RAB10: variants seen among roughly 807,000 people sequenced by gnomAD.
RAB10 encodes the protein ras-related protein Rab-10.
RAB10 carries 5 observed loss-of-function variants against 25.7 expected under a neutral mutation model. The ratio of observed to expected loss-of-function variants is 0.19; its 90% CI spans 0.10 to 0.41. The LOEUF is 0.41. RAB10 is among the 10% of genes least tolerant of loss of function. The probability of loss-of-function intolerance (pLI) is 1.00; values close to 1 mark genes in which losing one functional copy is unlikely to be tolerated. For synonymous variants in RAB10, 89 were observed against 86.4 expected, an observed-to-expected ratio of 1.03 and a Z score of -0.16; for missense variants, 103 against 245.8, an observed-to-expected ratio of 0.42 and a Z score of 3.89.
chr2:26,067,692 C>T (rs1666542169), intron 1 of RAB10, among the ~76,000 whole-genome samples: 1 of 152,222 alleles, frequency 6.6e-6, no homozygotes, highest in South Asian at 2.1e-4. Flanking sequence ...CACTAGTCAT[C>T]TTGTTAGATT....
At chr2:26,034,920 C>T (rs1665731475) in intron 1 of RAB10, among the ~76,000 whole-genome samples, 185 bp downstream of exon 1, 1 of 152,164 alleles carries the variant, frequency 6.6e-6, no homozygotes, top group South Asian at 2.1e-4. Context: ...GATTTCCATC[C>T]GGTCTTTTGC....
rs116235320 is a variant in RAB10, at chr2:26,106,956, C to T, written c.189-2812C>T. On this transcript the variant is annotated intron_variant, in intron 2 of 5. Transcript: ENST00000264710. Reference sequence around the variant, plus strand: ...AGAAAATCTTTGGAACATAAGACTACGTGAAGAGGCTGGGTGTGGTGGCTC... The same window carrying T: ...AGAAAATCTTTGGAACATAAGACTATGTGAAGAGGCTGGGTGTGGTGGCTC... Among the ~76,000 whole-genome samples, 590 of 151,364 alleles carry T rather than the reference C, an allele frequency of 3.9e-3. 5 individuals carry two copies. Among genetic ancestry groups the T allele is most frequent in the African/African-American group, 0.013 (551 of 41,246 alleles).
rs552574497 is a variant in RAB10 at position 26,061,250 on chromosome 2, G to C, written c.127+26515G>C. Among the ~76,000 whole-genome samples the C allele has an allele frequency of 1.4e-3, 216 of 151,838 alleles. 1 individual carries two copies. The highest frequency in any genetic ancestry group is 4.9e-3 in the African/African-American group (204 of 41,410). On this transcript the variant is annotated intron_variant, in intron 1 of 5. Coordinates refer to ENST00000264710, the MANE Select transcript of RAB10 (RefSeq NM_016131.5). ...CCACCTCAGTGCCCCCAAGTTGCTT[G>C]GACCACAGGTGCACACCACCAGGTC...
chr2:26,075,245 CCA>C, intron 1 of RAB10, among the ~76,000 whole-genome samples: 1 of 152,038 alleles, frequency 6.6e-6, no homozygotes, highest in East Asian at 1.9e-4. Context: ...TCTTTTTTTC[CCA>C]GTCATACTTT....
intron 3 of RAB10, among the ~76,000 whole-genome samples, chr2:26,118,056 T>C (rs1667728884): frequency 6.7e-6 from 1 of 149,140 alleles, no homozygotes; most frequent in East Asian, 2.0e-4. Context: ...CACTGCAAAC[T>C]CCACCTCCCG....
intron 1 of RAB10, among the ~76,000 whole-genome samples, chr2:26,079,792 A>G (rs1666828430): frequency 6.6e-6 from 1 of 151,898 alleles, no homozygotes; most frequent in Non-Finnish European, 1.5e-5. Flanking sequence ...TAGCCTCCCT[A>G]GTAGCTGGGA....
intron 1 of RAB10, among the ~76,000 whole-genome samples, chr2:26,055,919 AG>A (rs1666253835): frequency 6.6e-6 from 1 of 150,884 alleles, no homozygotes; most frequent in South Asian, 2.1e-4. Context: ...TTTTTGAGAC[AG>A]GGTCTCACTC....
chr2:26,079,538 C>G (rs1449767894), intron 1 of RAB10, among the ~76,000 whole-genome samples: 2 of 152,042 alleles, frequency 1.3e-5, no homozygotes, highest in Non-Finnish European at 1.5e-5. Context: ...TAAATATTTC[C>G]TCTCTCTGCT....
At chr2:26,075,057 A>G (rs1666704753) in intron 1 of RAB10, among the ~76,000 whole-genome samples, 1 of 152,210 alleles carries the variant, frequency 6.6e-6, no homozygotes, top group African/African-American at 2.4e-5. Context: ...ATTAATTGGT[A>G]GCTCTTGGAG....
chr2:26,087,859 C>A (rs559526943), intron 1 of RAB10, among the ~76,000 whole-genome samples: 1 of 152,334 alleles, frequency 6.6e-6, no homozygotes, highest in East Asian at 1.9e-4. Context: ...ACTATTATTA[C>A]ACAAAAGGAT....
chr2:26,045,441 G>C (rs991737482), intron 1 of RAB10, among the ~76,000 whole-genome samples: 2 of 151,720 alleles, frequency 1.3e-5, no homozygotes, highest in South Asian at 2.1e-4. Context: ...GGGTTTCACT[G>C]TGTTAGCCAG....
At chr2:26,059,932 T>A (rs933687009) in intron 1 of RAB10, among the ~76,000 whole-genome samples, 4 of 152,220 alleles carry the variant, frequency 2.6e-5, no homozygotes, top group African/African-American at 7.2e-5. Flanking sequence ...GGGTTTTTTT[T>A]ACCACAATAA....
intron 1 of RAB10, among the ~76,000 whole-genome samples, chr2:26,064,105 T>G (rs1447319189): frequency 2.0e-5 from 3 of 152,190 alleles, no homozygotes; most frequent in Non-Finnish European, 4.4e-5. Context: ...AATGTCCTTT[T>G]GTTCTATTTT....
At chr2:26,099,591 AG>A (rs1667301043) in intron 2 of RAB10, among the ~76,000 whole-genome samples, 1 of 123,104 alleles carries the variant, frequency 8.1e-6, no homozygotes, top group Non-Finnish European at 1.6e-5. Flanking sequence ...CCCATGCTGG[AG>A]AGCAGTGGCG....
At chr2:26,041,809 C>T (rs1665893492) in intron 1 of RAB10, among the ~76,000 whole-genome samples, 1 of 152,048 alleles carries the variant, frequency 6.6e-6, no homozygotes, top group Non-Finnish European at 1.5e-5. Context: ...GAGGCTGAGG[C>T]AGGAGAACCG....
rs954072602 is a variant in RAB10 at position 26,034,472 on chromosome 2, G to T, written c.-137G>T. ...GCTTCCTCAAAGCTGTTCGTAGGTC[G>T]CCCGCGCCGTCTCGAGCCTTTTTCC... On this transcript the variant is annotated 5_prime_UTR_variant, in exon 1 of 6. Coordinates refer to ENST00000264710, the MANE Select transcript of RAB10 (RefSeq NM_016131.5). The T allele has an allele frequency of 2.6e-5, 31 of 1,200,622 alleles. No homozygotes were observed. Among genetic ancestry groups the T allele is most frequent in the Non-Finnish European group, 3.2e-5 (28 of 869,976 alleles). 74.4% of individuals were successfully genotyped at this position (1,200,622 alleles called of 1,614,324 possible). A position where few individuals can be genotyped will look rare whatever the true frequency, so the allele number is the denominator to read the frequency against.
chr2:26,086,477 G>A (rs1223525734), intron 1 of RAB10, among the ~76,000 whole-genome samples: 1 of 152,158 alleles, frequency 6.6e-6, no homozygotes, highest in Non-Finnish European at 1.5e-5. Context: ...TGAGGACGTG[G>A]AGAAATTGGA....
At chr2:26,035,917 CA>C (rs1665754516) in intron 1 of RAB10, among the ~76,000 whole-genome samples, 1 of 152,150 alleles carries the variant, frequency 6.6e-6, no homozygotes, top group South Asian at 2.1e-4. Context: ...TTAAATTGGA[CA>C]AGTGATTTTT....
intron 1 of RAB10, among the ~76,000 whole-genome samples, chr2:26,060,449 C>T (rs1666371012): frequency 6.6e-6 from 1 of 152,136 alleles, no homozygotes; most frequent in African/African-American, 2.4e-5. Context: ...CTCACCACCA[C>T]ATCTGGCTAA....
Sources: allele counts gnomAD v4.1 joint callset (sites outside exome capture counted in the v4.1 genomes callset), GRCh38; gene constraint gnomAD v4.1.1; transcripts MANE v1.5; gene names NCBI Gene and HGNC (gene_info 2026-07-23, HGNC 2026-07-21).